EFHB: variants seen among roughly 807,000 people sequenced by gnomAD.
The protein encoded by EFHB is EF-hand domain family member B.
Under a neutral mutation model 87.2 loss-of-function variants are expected in EFHB, and 91 were observed. The observed-to-expected ratio is 1.04, with a 90% CI of 0.88 to 1.24. EFHB has a LOEUF of 1.24. Among genes scored for constraint, EFHB ranks in the 50% most tolerant of loss-of-function variants. The pLI, the probability that EFHB is intolerant of heterozygous loss-of-function variation, is 0.00. For synonymous variants in EFHB, 325 were observed against 333.6 expected (o/e 0.97, Z 0.28); for missense variants, 1,084 against 998.8 (o/e 1.09, Z -1.15).
intron 12 of EFHB, among the ~76,000 whole-genome samples, chr3:19,881,217 G>C (rs2071668238): frequency 6.6e-6 from 1 of 152,146 alleles, no homozygotes; most frequent in Non-Finnish European, 1.5e-5. Context: ...TGCAGAGTGA[G>C]CTCAGGAATG....
At chr3:19,881,417 G>C (rs2071673549) in intron 12 of EFHB, among the ~76,000 whole-genome samples, 2 of 152,098 alleles carry the variant, frequency 1.3e-5, no homozygotes, top group Non-Finnish European at 2.9e-5. Flanking sequence ...TTTTTGTCTA[G>C]AATTGTGGGA....
chr3:19,935,793 C>T (rs1258880882), upstream of EFHB, among the ~76,000 whole-genome samples: 2 of 150,792 alleles, frequency 1.3e-5, no homozygotes, highest in Non-Finnish European at 3.0e-5. Flanking sequence ...GGGTGGATCA[C>T]GAGGTCAGGA....
intron 4 of EFHB, among the ~76,000 whole-genome samples, chr3:19,917,512 A>C (rs1349495164): frequency 6.6e-6 from 1 of 152,170 alleles, no homozygotes; most frequent in Admixed American, 6.6e-5. Flanking sequence ...ATTTCTCCAC[A>C]AAATAAAGAA....
At chr3:19,919,197 G>T (rs60732359) in intron 3 of EFHB, among the ~76,000 whole-genome samples, 68,841 of 150,744 alleles carry the variant, frequency 0.46, 16,100 homozygotes, top group Non-Finnish European at 0.52. Context: ...GTCTTTTTTT[G>T]TTTGTTTGTT....
chr3:19,940,789 G>A, intron 1 of EFHB: 1 of 362,546 alleles, frequency 2.8e-6, no homozygotes, highest in South Asian at 2.4e-5. Flanking sequence ...AGTGCCAAAG[G>A]TATGCCTGTG....
In EFHB at chr3:19,933,723, C is replaced by G. The variant is rs17795400; in HGVS notation, c.296G>C (p.Gly99Ala). ...LGVDSVSASQ[G>A]TKPSLLPGRM... The stretch of plus-strand genomic sequence containing the variant: ...TCCTGGCAACAGAGAAGGTTTTGTT[C>G]CCTGTGAAGCTGAGACACTGTCGAC... Residue 99 changes from glycine (G) to alanine (A), a missense_variant, in exon 1 of 13, where the codon GGA (glycine) becomes GCA (alanine). Transcript: ENST00000295824. 4.3e-6 allele frequency: 7 copies of G among 1,613,710 alleles called. No individual in the cohort carries two copies. Among genetic ancestry groups the G allele is most frequent in the Non-Finnish European group, 5.9e-6 (7 of 1,179,816 alleles).
At chr3:19,941,222 CT>C in intron 1 of EFHB, 1 of 331,024 alleles carries the variant, frequency 3.0e-6, no homozygotes, top group Non-Finnish European at 6.0e-6. Flanking sequence ...TCTTGAAGGG[CT>C]TTCTCTATAG....
intron 7 of EFHB, 51 bp from the exon 8 acceptor site, chr3:19,898,896 T>G: frequency 1.6e-5 from 25 of 1,563,930 alleles, no homozygotes; most frequent in Non-Finnish European, 2.0e-5. Flanking sequence ...ATGGCATCTC[T>G]GGAATTTAAA....
chr3:19,900,629 T>C (rs1694639219), intron 6 of EFHB, among the ~76,000 whole-genome samples: 2 of 152,026 alleles, frequency 1.3e-5, no homozygotes, highest in South Asian at 2.1e-4. Flanking sequence ...CAGATAGCAA[T>C]TAAAAATGTA....
chr3:19,941,974 G>A (rs1377918340), intron 1 of EFHB, among the ~76,000 whole-genome samples: 2 of 151,884 alleles, frequency 1.3e-5, no homozygotes, highest in African/African-American at 2.4e-5. Context: ...GGCCAACATG[G>A]TGAAACCACG....
At chr3:19,936,417 A>T, upstream of EFHB, 1 of 519,228 alleles carries the variant, frequency 1.9e-6, no homozygotes, top group Non-Finnish European at 3.4e-6. Flanking sequence ...TTCAAAAATC[A>T]GCCAGGTGTA....
chr3:19,922,139 T>C (rs1192011886), intron 1 of EFHB, among the ~76,000 whole-genome samples: 2 of 152,164 alleles, frequency 1.3e-5, no homozygotes, highest in African/African-American at 2.4e-5. Flanking sequence ...CACTCCAGCC[T>C]GGGCAACAAG....
chr3:19,945,415 A>G (rs1332683720), intron 1 of EFHB, among the ~76,000 whole-genome samples: 1 of 152,208 alleles, frequency 6.6e-6, no homozygotes, highest in African/African-American at 2.4e-5. Context: ...TATAAACACT[A>G]CCATGGACCA....
At position 19,905,606 on chromosome 3, in the gene EFHB, A is replaced by G. The variant is rs1694815172; in HGVS notation, c.1418+14T>C. The G allele has an allele frequency of 6.8e-6, 11 of 1,612,636 alleles. No individual in the cohort carries two copies. Among genetic ancestry groups the G allele is most frequent in the Non-Finnish European group, 9.3e-6 (11 of 1,179,030 alleles). ...TCTAACACTTGTTCCTGGGCACAGT[A>G]TAATTAAACTTACATTTGTAGTTCA... On this transcript the variant is annotated intron_variant, in intron 6 of 12. Transcript: ENST00000295824.
chr3:19,905,504 T>C, intron 6 of EFHB, 116 bp downstream of exon 6: 1 of 1,164,032 alleles, frequency 8.6e-7, no homozygotes, highest in South Asian at 1.7e-5. Flanking sequence ...TTTCTAGTCA[T>C]CTTGTTTGAA....
intron 9 of EFHB, chr3:19,895,030 TA>T (rs1435569115): frequency 6.8e-6 from 1 of 146,200 alleles, no homozygotes; most frequent in Non-Finnish European, 1.5e-5. Context: ...TTTTTATATA[TA>T]AATGTTTATA....
At chr3:19,903,758 A>C (rs1040866556) in intron 6 of EFHB, among the ~76,000 whole-genome samples, 3 of 152,092 alleles carry the variant, frequency 2.0e-5, no homozygotes, top group Non-Finnish European at 4.4e-5. Flanking sequence ...ATCATTTTTG[A>C]AGCCCATAAA....
chr3:19,894,734 A>G (rs1412611219), intron 9 of EFHB: 1 of 152,112 alleles, frequency 6.6e-6, no homozygotes. Context: ...CATACCTGTA[A>G]TCCCAACACT....
At chr3:19,888,008 A>T (rs559396155) in intron 10 of EFHB, among the ~76,000 whole-genome samples, 1 of 152,330 alleles carries the variant, frequency 6.6e-6, no homozygotes, top group African/African-American at 2.4e-5. Flanking sequence ...ACAAAAATAT[A>T]GATTAAAAAG....
Sources: gnomAD v4.1 joint callset for allele counts (sites outside exome capture counted in the v4.1 genomes callset) on GRCh38, gnomAD v4.1.1 for gene constraint, MANE v1.5 for transcripts, NCBI Gene and HGNC (gene_info 2026-07-23, HGNC 2026-07-21) for gene names.